ZMYND11: variants seen among roughly 807,000 people sequenced by gnomAD.
The protein encoded by ZMYND11 is zinc finger MYND domain-containing protein 11.
In ZMYND11, 9 loss-of-function variants were observed where a neutral mutation model predicts 84.9. The ratio of observed to expected loss-of-function variants is 0.11; its 90% CI spans 0.06 to 0.18. The LOEUF is 0.18. Among genes scored for constraint, ZMYND11 ranks in the 10% least tolerant of loss-of-function variants. The pLI is 1.00. For missense variants in ZMYND11, 409 were observed against 761.0 expected (o/e 0.54, Z 5.44); for synonymous variants, 250 against 244.1 (o/e 1.02, Z -0.23).
rs532126995 is a variant in ZMYND11, at chr10:187,430, C to G, written c.116+7302C>G. Among the ~76,000 whole-genome samples the G allele has an allele frequency of 3.3e-5, 5 of 151,768 alleles. No individual in the cohort carries two copies. In the South Asian group the frequency reaches 6.3e-4, roughly 19 times the overall value. On this transcript the variant is annotated intron_variant, in intron 2 of 14. Coordinates refer to ENST00000381604, the MANE Select transcript of ZMYND11 (RefSeq NM_001370100.5). ...CGGGCGGATCACAAGGTCAGGAGAT[C>G]GAGACCATCTTGGCTAACACGGTGA...
At chr10:244,903 G>A (rs1190287536) in intron 10 of ZMYND11, among the ~76,000 whole-genome samples, 1 of 152,184 alleles carries the variant, frequency 6.6e-6, no homozygotes, top group Non-Finnish European at 1.5e-5. Context: ...GATAAATAAG[G>A]AAAATACTCT....
chr10:148,549 T>G (rs1839472164), intron 1 of ZMYND11: 1 of 152,296 alleles, frequency 6.6e-6, no homozygotes, highest in African/African-American at 2.4e-5. Flanking sequence ...TTACTCACAC[T>G]AGTGTTTTGA....
chr10:245,028 A>G (rs1352291405), intron 10 of ZMYND11, among the ~76,000 whole-genome samples: 4 of 152,224 alleles, frequency 2.6e-5, no homozygotes, highest in Non-Finnish European at 5.9e-5. Flanking sequence ...CTACTACATA[A>G]TAGGAAATCA....
intron 1 of ZMYND11, among the ~76,000 whole-genome samples, chr10:150,178 G>T (rs1384275471): frequency 1.3e-5 from 2 of 152,190 alleles, no homozygotes; most frequent in African/African-American, 4.8e-5. Flanking sequence ...AATAGTTTCA[G>T]AAGGAGTGGT....
intron 3 of ZMYND11, among the ~76,000 whole-genome samples, chr10:219,815 A>G (rs1946819994): frequency 6.6e-6 from 1 of 152,202 alleles, no homozygotes; most frequent in African/African-American, 2.4e-5. Flanking sequence ...CATCTGTAGC[A>G]AATAACTAAA....
At chr10:145,542 A>G (rs1033592968) in intron 1 of ZMYND11, among the ~76,000 whole-genome samples, 1 of 152,148 alleles carries the variant, frequency 6.6e-6, no homozygotes, top group Non-Finnish European at 1.5e-5. Flanking sequence ...TTTTCTCCGC[A>G]TCCATGCCAA....
intron 4 of ZMYND11, among the ~76,000 whole-genome samples, chr10:224,139 T>C (rs1337756931): frequency 6.6e-6 from 1 of 152,206 alleles, no homozygotes; most frequent in Non-Finnish European, 1.5e-5. Context: ...TATTCACTCT[T>C]ACATTCCTTT....
intron 2 of ZMYND11, among the ~76,000 whole-genome samples, chr10:202,955 T>C (rs1005917370): frequency 6.6e-6 from 1 of 151,788 alleles, no homozygotes; most frequent in Non-Finnish European, 1.5e-5. Context: ...CAAGGAATAA[T>C]AAAATGCAGT....
intron 10 of ZMYND11, among the ~76,000 whole-genome samples, chr10:243,191 G>C (rs544057271): frequency 1.2e-4 from 18 of 152,150 alleles, no homozygotes; most frequent in African/African-American, 3.6e-4. Context: ...CAAAATAAAG[G>C]CCTCATAAGA....
intron 4 of ZMYND11, among the ~76,000 whole-genome samples, chr10:222,647 A>G (rs1589065559): frequency 6.6e-6 from 1 of 152,082 alleles, no homozygotes; most frequent in Non-Finnish European, 1.5e-5. Context: ...AAAAGCAAAT[A>G]TACATCTTCC....
intron 2 of ZMYND11, among the ~76,000 whole-genome samples, chr10:202,889 T>G (rs184227108): frequency 5.1e-4 from 77 of 152,266 alleles, no homozygotes; most frequent in Admixed American, 3.8e-3. Context: ...CTATGGTTGT[T>G]TCTTAGTGGC....
At chr10:244,713 A>G (rs962319282) in intron 10 of ZMYND11, 2 of 152,248 alleles carry the variant, frequency 1.3e-5, no homozygotes, top group African/African-American at 4.8e-5. Context: ...AGATTAGACT[A>G]TTCCTCTTGT....
chr10:139,499 T>C (rs978437423), intron 1 of ZMYND11, among the ~76,000 whole-genome samples: 1 of 152,316 alleles, frequency 6.6e-6, no homozygotes, highest in Admixed American at 6.5e-5. Context: ...TTTGTGCAGA[T>C]GTTAGTGACC....
intron 1 of ZMYND11, among the ~76,000 whole-genome samples, chr10:169,091 A>G (rs556592113): frequency 6.6e-6 from 1 of 152,148 alleles, no homozygotes; most frequent in Non-Finnish European, 1.5e-5. Context: ...CTCAGGAGAC[A>G]TGGTATTACC....
intron 14 of ZMYND11, among the ~76,000 whole-genome samples, chr10:250,762 G>A (rs1259159327): frequency 6.6e-6 from 1 of 152,120 alleles, no homozygotes; most frequent in Non-Finnish European, 1.5e-5. Context: ...TCTCGGCCAG[G>A]CTCGGTGCTC....
In ZMYND11 at chr10:180,189, C is replaced by T. The variant is rs894255262; in HGVS notation, c.116+61C>T. On this transcript the variant is annotated intron_variant, in intron 2 of 14. Coordinates refer to ENST00000381604, the MANE Select transcript of ZMYND11 (RefSeq NM_001370100.5). ...GTCGTAGAAGACTTTGGGGGAAAGG[C>T]CAAAAAAAATTTTATCTGTTATGCT... is the stretch of plus-strand genomic sequence containing the variant. 2.9e-6 allele frequency: 4 copies of T among 1,378,872 alleles called. No individual in the cohort carries two copies. In the East Asian group the frequency reaches 9.3e-5, roughly 32 times the overall value. The allele number at this position is 1,378,872 out of a possible 1,614,324, so 85.4% of individuals were successfully genotyped here.
At chr10:193,159 T>C (rs1940868177) in intron 2 of ZMYND11, among the ~76,000 whole-genome samples, 1 of 152,236 alleles carries the variant, frequency 6.6e-6, no homozygotes, top group Non-Finnish European at 1.5e-5. Context: ...ACTAATTGTA[T>C]AGTTTTATCA....
intron 1 of ZMYND11, among the ~76,000 whole-genome samples, chr10:163,960 G>A (rs782741707): frequency 1.3e-5 from 2 of 152,142 alleles, no homozygotes; most frequent in Non-Finnish European, 2.9e-5. Flanking sequence ...CTCCAGAAAG[G>A]TATTGTTTGG....
chr10:159,792 T>C (rs1218009871), intron 1 of ZMYND11, among the ~76,000 whole-genome samples: 1 of 152,216 alleles, frequency 6.6e-6, no homozygotes, highest in Non-Finnish European at 1.5e-5. Flanking sequence ...TGTTTGTTTC[T>C]ACTCTTTGGT....
Sources: allele counts gnomAD v4.1 joint callset (sites outside exome capture counted in the v4.1 genomes callset), GRCh38; gene constraint gnomAD v4.1.1; transcripts MANE v1.5; gene names NCBI Gene and HGNC (gene_info 2026-07-23, HGNC 2026-07-21).